The following DUSP2 variants were observed in gnomAD, a reference collection of about 807,000 sequenced individuals.
DUSP2 encodes dual specificity phosphatase 2, also known as dual specificity protein phosphatase 2.
DUSP2 carries 20 observed loss-of-function variants against 23.3 expected under a neutral mutation model. The observed-to-expected ratio is 0.86, with a 90% CI of 0.60 to 1.25. DUSP2 has a LOEUF of 1.25. DUSP2 is among the 50% of genes most tolerant of loss of function. The pLI, the probability that DUSP2 is intolerant of heterozygous loss-of-function variation, is 0.00. For missense variants in DUSP2, 435 were observed against 452.6 expected (o/e 0.96, Z 0.35); for synonymous variants, 231 against 209.7 (o/e 1.10, Z -0.88).
chr2:96,144,345 A>G lies in DUSP2; in HGVS notation c.539T>C (p.Leu180Pro), dbSNP rs1446118874. ...QGGPVEILPYLFLGSCSHSSD... is the reference protein window; with the variant it reads ...QGGPVEILPYPFLGSCSHSSD... ...CGAGTGACTGCAGCTGCCCAGGAACAGGTAGGGCAAGATCTCCACAGGGCC... is the reference window on the plus strand; with the variant it reads ...CGAGTGACTGCAGCTGCCCAGGAACGGGTAGGGCAAGATCTCCACAGGGCC... Residue 180 changes from leucine (L) to proline (P), a missense_variant, in exon 3 of 4, where the codon CTG becomes CCG. Coordinates refer to ENST00000288943, the MANE Select transcript of DUSP2 (RefSeq NM_004418.4). 2 of 1,613,528 alleles carry G rather than the reference A, an allele frequency of 1.2e-6. No individual in the cohort carries two copies. Among genetic ancestry groups the G allele is most frequent in the Non-Finnish European group, 1.7e-6 (2 of 1,179,928 alleles).
chr2:96,144,768 T>TAGACAGGA lies in DUSP2; in HGVS notation c.495_502dup (p.Tyr168PhefsTer76). ...AGGGGGGTCAATACTCACCTGGTCG[T>TAGACAGGA]AGACAGGAGCCCTGGAGTCGGAGCG... On this transcript the variant is annotated frameshift_variant, in exon 2 of 4. Coordinates refer to ENST00000288943, the MANE Select transcript of DUSP2 (RefSeq NM_004418.4). LOFTEE classifies it high-confidence loss of function. 6.3e-7 allele frequency: 1 copy of TAGACAGGA among 1,589,758 alleles called. No homozygotes were observed.
chr2:96,144,807 CCT>C lies in DUSP2; in HGVS notation c.462_463del (p.Asp156GlnfsTer58), dbSNP rs1444415592. The stretch of plus-strand genomic sequence containing the variant: ...GGAGTCGGAGCGGCTGGTTTTGTCC[CCT>C]GTTGGCGGCAGCGCAGGGGCGGGGG... On this transcript the variant is annotated frameshift_variant, in exon 2 of 4. Transcript: ENST00000288943. LOFTEE classifies it high-confidence loss of function. 3 of 1,579,484 alleles carry C rather than the reference CCT, an allele frequency of 1.9e-6. No individual in the cohort carries two copies. The highest frequency in any genetic ancestry group is 1.3e-5 in the African/African-American group (1 of 74,376).
At position 96,143,910 on chromosome 2, in the gene DUSP2, G is replaced by A. The variant is rs147952657; in HGVS notation, c.858C>T (p.Phe286=). 422 of 1,613,812 alleles carry A rather than the reference G, an allele frequency of 2.6e-4. No homozygotes were observed. Among genetic ancestry groups the A allele is most frequent in the Non-Finnish European group, 3.3e-4 (387 of 1,180,022 alleles). ...AGATGACCCCCCGGCGCTGCTTAAC[G>A]AAGTCAAAGGCCTCGTCCAGCCGCA... ...RRVRLDEAFD[F]VKQRRGVISP... Residue 286 remains phenylalanine, a synonymous_variant, in exon 4 of 4, where the codon TTC becomes TTT. Coordinates refer to ENST00000288943, the MANE Select transcript of DUSP2 (RefSeq NM_004418.4).
chr2:96,143,537 T>C lies in DUSP2; in HGVS notation c.*286A>G. The stretch of plus-strand genomic sequence containing the variant: ...GGTGGACCAGGGAGAGTCCACGGTA[T>C]AGCGTCTAGCTGATTTCTGCCAGAG... On this transcript the variant is annotated 3_prime_UTR_variant, in exon 4 of 4. Coordinates refer to ENST00000288943, the MANE Select transcript of DUSP2 (RefSeq NM_004418.4). 2.2e-6 allele frequency: 1 copy of C among 458,008 alleles called. No homozygotes were observed. Among genetic ancestry groups the C allele is most frequent in the Non-Finnish European group, 4.0e-6 (1 of 248,500 alleles). The allele number at this position is 458,008 out of a possible 1,614,324, so 28.4% of individuals were successfully genotyped here.
At position 96,143,941 on chromosome 2, in the gene DUSP2, C is replaced by T. The variant is rs747722629; in HGVS notation, c.827G>A (p.Arg276His). ...AAAGGCCTCGTCCAGCCGCACACGG[C>T]GACTCTGCATGAGGTATGCCAGACA... ...TICLAYLMQSRRVRLDEAFDF... is the reference protein window; with the variant it reads ...TICLAYLMQSHRVRLDEAFDF... Residue 276 changes from arginine to histidine, a missense_variant, in exon 4 of 4, where the codon CGC becomes CAC. Transcript: ENST00000288943. 1.4e-5 allele frequency: 22 copies of T among 1,613,672 alleles called. No homozygotes were observed. The highest frequency in any genetic ancestry group is 6.7e-5 in the African/African-American group (5 of 74,944).
chr2:96,144,686 C>T, intron 2 of DUSP2, 75 bp downstream of exon 2: 1 of 1,343,276 alleles, frequency 7.4e-7, no homozygotes, highest in South Asian at 1.5e-5. Context: ...CCCCAAATGG[C>T]AGGCTCTTTC....
chr2:96,143,269 A>C lies in DUSP2; in HGVS notation c.*554T>G. Reference sequence around the variant, plus strand: ...ACCCCTGCCCACAGGGCTAGGAGGAAGCGGGGGAGGGAGTGTTAAATGTCA... The same window carrying C: ...ACCCCTGCCCACAGGGCTAGGAGGACGCGGGGGAGGGAGTGTTAAATGTCA... On this transcript the variant is annotated 3_prime_UTR_variant, in exon 4 of 4. Coordinates refer to ENST00000288943, the MANE Select transcript of DUSP2 (RefSeq NM_004418.4). 6.4e-6 allele frequency: 1 copy of C among 155,328 alleles called. No individual in the cohort carries two copies. The highest frequency in any genetic ancestry group is 1.4e-5 in the Non-Finnish European group (1 of 69,878). 9.6% of individuals were successfully genotyped at this position (155,328 alleles called of 1,614,324 possible).
chr2:96,143,688 TG>T lies in DUSP2; in HGVS notation c.*134del. On this transcript the variant is annotated 3_prime_UTR_variant, in exon 4 of 4. Transcript: ENST00000288943. ...TGCCGGCATTCCTAGAGCCCCCATG[TG>T]GGGGCTTCTGAAACTCTGAGGAGGT... 9.6e-7 allele frequency: 1 copy of T among 1,037,346 alleles called. No homozygotes were observed. The highest frequency in any genetic ancestry group is 1.4e-6 in the Non-Finnish European group (1 of 720,562). The allele number at this position is 1,037,346 out of a possible 1,614,324, so 64.3% of individuals were successfully genotyped here.
Position 96,143,525 on chromosome 2 carries a change from G to A in DUSP2, c.*298C>T. On this transcript the variant is annotated 3_prime_UTR_variant, in exon 4 of 4. Coordinates refer to ENST00000288943, the MANE Select transcript of DUSP2 (RefSeq NM_004418.4). ...CTTCAACATGGTGGTGGACCAGGGA[G>A]AGTCCACGGTATAGCGTCTAGCTGA... 2 of 352,450 alleles carry A rather than the reference G, an allele frequency of 5.7e-6. No homozygotes were observed. The highest frequency in any genetic ancestry group is 3.6e-5 in the South Asian group (1 of 27,688). 21.8% of individuals were successfully genotyped at this position (352,450 alleles called of 1,614,324 possible).
In DUSP2 at chr2:96,143,191, T is replaced by C. The variant is rs1020077093; in HGVS notation, c.*632A>G. Reference sequence around the variant, plus strand: ...TTGTTGTTTTTTAAATATAACAATATTTTATTGACATATCCTGAATGTTCT... The same window carrying C: ...TTGTTGTTTTTTAAATATAACAATACTTTATTGACATATCCTGAATGTTCT... On this transcript the variant is annotated 3_prime_UTR_variant, in exon 4 of 4. Transcript: ENST00000288943. 3 of 152,666 alleles carry C rather than the reference T, an allele frequency of 2.0e-5. No homozygotes were observed. Among genetic ancestry groups the C allele is most frequent in the Admixed American group, 6.5e-5 (1 of 15,286 alleles). The allele number at this position is 152,666 out of a possible 1,614,324, so 9.5% of individuals were successfully genotyped here. A position where few individuals can be genotyped will look rare whatever the true frequency, so the allele number is the denominator to read the frequency against.
rs1324175765 is a variant in DUSP2, at chr2:96,145,419, CGCT to C, written c.-68_-66del. 7.8e-7 allele frequency: 1 copy of C among 1,284,146 alleles called. No individual in the cohort carries two copies. The highest frequency in any genetic ancestry group is 9.9e-7 in the Non-Finnish European group (1 of 1,012,246). 79.5% of individuals were successfully genotyped at this position (1,284,146 alleles called of 1,614,324 possible). A position where few individuals can be genotyped will look rare whatever the true frequency, so the allele number is the denominator to read the frequency against. Reference sequence around the variant, plus strand: ...GCGTCCCGGGCTCTCGTGGCGGTGGCGCTGCCCGAGCGGTCGACTCCGGGCGCC... The same window carrying C: ...GCGTCCCGGGCTCTCGTGGCGGTGGCGCCCGAGCGGTCGACTCCGGGCGCC... On this transcript the variant is annotated 5_prime_UTR_variant, in exon 1 of 4. Coordinates refer to ENST00000288943, the MANE Select transcript of DUSP2 (RefSeq NM_004418.4).
Position 96,144,389 on chromosome 2 carries a change from G to A in DUSP2, c.511-16C>T, listed in dbSNP as rs190041400. 3.1e-6 allele frequency: 5 copies of A among 1,607,120 alleles called. No homozygotes were observed. Among genetic ancestry groups the A allele is most frequent in the Non-Finnish European group, 2.6e-6 (3 of 1,175,136 alleles). On this transcript the variant is annotated splice_polypyrimidine_tract_variant and intron_variant, in intron 2 of 3. Coordinates refer to ENST00000288943, the MANE Select transcript of DUSP2 (RefSeq NM_004418.4). ...CAGGGCCACCCTGGAGGGAACAGAG[G>A]GGCGGTGAGGCCTTTCCAGCCCAGC...
In DUSP2 at chr2:96,143,744, G is replaced by A. The variant is rs1682445498; in HGVS notation, c.*79C>T. ...GCCCTGCCAGAGGTGAGGGGACTGT[G>A]CTGGCCCAGAGGGGAGCCCACCAGT... On this transcript the variant is annotated 3_prime_UTR_variant, in exon 4 of 4. Coordinates refer to ENST00000288943, the MANE Select transcript of DUSP2 (RefSeq NM_004418.4). 2.8e-5 allele frequency: 44 copies of A among 1,543,912 alleles called. No homozygotes were observed. Among genetic ancestry groups the A allele is most frequent in the Non-Finnish European group, 3.6e-5 (41 of 1,132,984 alleles).
At chr2:96,144,427 G>C (rs1045773897) in intron 2 of DUSP2, 54 bp from the exon 3 acceptor site, 3 of 1,572,556 alleles carry the variant, frequency 1.9e-6, no homozygotes, top group Non-Finnish European at 2.6e-6. Context: ...CGGAGAGCTG[G>C]AGCAGCAGCG....
In DUSP2 at chr2:96,143,974, G is replaced by A. The variant is rs1205743329; in HGVS notation, c.794C>T (p.Ala265Val). Reference sequence around the variant, plus strand: ...CATGAGGTATGCCAGACAGATGGTGGCAGAGCGCGAGATACCCGCCTGGCA... The same window carrying A: ...CATGAGGTATGCCAGACAGATGGTGACAGAGCGCGAGATACCCGCCTGGCA... ...VHCQAGISRS[A>V]TICLAYLMQS... is the part of the protein sequence containing the mutation. Residue 265 changes from alanine to valine, a missense_variant, in exon 4 of 4, where the codon GCC becomes GTC. Physicochemically the swap from Ala to Val is moderately conservative, Grantham distance 64. Transcript: ENST00000288943. 1.2e-6 allele frequency: 2 copies of A among 1,613,832 alleles called. No homozygotes were observed. Among genetic ancestry groups the A allele is most frequent in the Non-Finnish European group, 8.5e-7 (1 of 1,180,012 alleles).
Position 96,143,856 on chromosome 2 carries a change from C to G in DUSP2, c.912G>C (p.Leu304=), listed in dbSNP as rs1249989054. The G allele has an allele frequency of 6.2e-7, 1 of 1,613,548 alleles. No individual in the cohort carries two copies. Among genetic ancestry groups the G allele is most frequent in the South Asian group, 1.1e-5 (1 of 91,078 alleles). The part of the protein sequence containing the change: ...ISPNFSFMGQ[L]LQFETQVLCH Reference sequence around the variant, plus strand: ...ACAGCACCTGGGTCTCAAACTGCAGCAGCTGCCCCATGAAACTGAAGTTGG... The same window carrying G: ...ACAGCACCTGGGTCTCAAACTGCAGGAGCTGCCCCATGAAACTGAAGTTGG... The change falls in exon 4 of 4, where the codon CTG becomes CTC. Residue 304 remains leucine, a synonymous_variant. Coordinates refer to ENST00000288943, the MANE Select transcript of DUSP2 (RefSeq NM_004418.4).
In DUSP2 at chr2:96,144,776, A is replaced by T. The variant is rs376516669; in HGVS notation, c.495T>A (p.Ala165=). Residue 165 remains alanine (A), a synonymous_variant, in exon 2 of 4, where the codon GCT becomes GCA. Transcript: ENST00000288943. The part of the protein sequence containing the change: ...GDKTSRSDSR[A]PVYDQGGPVE... ...CAATACTCACCTGGTCGTAGACAGGAGCCCTGGAGTCGGAGCGGCTGGTTT... is the reference window on the plus strand; with the variant it reads ...CAATACTCACCTGGTCGTAGACAGGTGCCCTGGAGTCGGAGCGGCTGGTTT... The T allele has an allele frequency of 6.3e-7, 1 of 1,591,126 alleles. No individual in the cohort carries two copies. The highest frequency in any genetic ancestry group is 1.3e-5 in the African/African-American group (1 of 74,740).
intron 2 of DUSP2, 161 bp from the exon 3 acceptor site, chr2:96,144,534 A>T (rs1204492194): frequency 6.5e-5 from 49 of 756,840 alleles, no homozygotes; most frequent in Non-Finnish European, 3.2e-5. Context: ...ACACACCGGG[A>T]CATACATTTC....
Position 96,143,891 on chromosome 2 carries a change from C to G in DUSP2, c.877G>C (p.Val293Leu). The G allele has an allele frequency of 6.2e-7, 1 of 1,613,658 alleles. No individual in the cohort carries two copies. The highest frequency in any genetic ancestry group is 1.3e-5 in the African/African-American group (1 of 75,054). ...ATGAAACTGAAGTTGGGGGAGATGA[C>G]CCCCCGGCGCTGCTTAACGAAGTCA... ...AFDFVKQRRG[V>L]ISPNFSFMGQ... The change falls in exon 4 of 4, where the codon GTC (valine) becomes CTC (leucine). Residue 293 changes from valine (V) to leucine (L), a missense_variant. Physicochemically the swap from Val to Leu is conservative, Grantham distance 32. Transcript: ENST00000288943.
Sources: gnomAD v4.1 joint callset for allele counts on GRCh38, gnomAD v4.1.1 for gene constraint, MANE v1.5 for transcripts, NCBI Gene and HGNC (gene_info 2026-07-23, HGNC 2026-07-21) for gene names.